HS6ST3: variants seen among roughly 807,000 people sequenced by gnomAD.
HS6ST3 encodes heparan sulfate 6-O-sulfotransferase 3.
In HS6ST3, 12 loss-of-function variants were observed where a neutral mutation model predicts 36.7. The ratio of observed to expected loss-of-function variants is 0.33; its 90% CI spans 0.21 to 0.53. The LOEUF is 0.53. Ranked by LOEUF, HS6ST3 falls within the 20% of genes least tolerant of loss-of-function variation. The pLI is 0.95. For synonymous variants in HS6ST3, 240 were observed against 257.5 expected, an observed-to-expected ratio of 0.93 and a Z score of 0.65; for missense variants, 584 against 640.9, an observed-to-expected ratio of 0.91 and a Z score of 0.96.
rs569991536 is a variant in HS6ST3, at chr13:96,489,271, C to G, written c.708-343219C>G. On this transcript the variant is annotated intron_variant, in intron 1 of 1. Coordinates refer to ENST00000376705, the MANE Select transcript of HS6ST3 (RefSeq NM_153456.4). ...AAAATGATTACTTATAGAACAAACT[C>G]CAGTCAGTAAATGGCTCTTCATGTT... Among the ~76,000 whole-genome samples the G allele has an allele frequency of 7.2e-5, 11 of 151,970 alleles. No individual in the cohort carries two copies. In the South Asian group the frequency reaches 2.1e-3, roughly 29 times the overall value.
At chr13:96,186,989 T>C (rs1194826928) in intron 1 of HS6ST3, among the ~76,000 whole-genome samples, 1 of 152,244 alleles carries the variant, frequency 6.6e-6, no homozygotes, top group Admixed American at 6.5e-5. Flanking sequence ...TCTTGGTTTA[T>C]GGCTCAGGAC....
At chr13:96,538,759 G>T (rs944573177) in intron 1 of HS6ST3, among the ~76,000 whole-genome samples, 3 of 152,130 alleles carry the variant, frequency 2.0e-5, no homozygotes, top group Non-Finnish European at 4.4e-5. Context: ...CATGAAAATC[G>T]ATTTCAGAAG....
chr13:96,592,172 G>A (rs538645583), intron 1 of HS6ST3, among the ~76,000 whole-genome samples: 1 of 151,960 alleles, frequency 6.6e-6, no homozygotes, highest in South Asian at 2.1e-4. Context: ...TCTTTAATAT[G>A]TCTTTGACTT....
At chr13:96,750,324 A>G (rs1876669058) in intron 1 of HS6ST3, among the ~76,000 whole-genome samples, 1 of 152,200 alleles carries the variant, frequency 6.6e-6, no homozygotes, top group Non-Finnish European at 1.5e-5. Flanking sequence ...GAAACGTGAT[A>G]TTACATGTGG....
At chr13:96,461,248 G>A (rs940958247) in intron 1 of HS6ST3, among the ~76,000 whole-genome samples, 2 of 152,202 alleles carry the variant, frequency 1.3e-5, no homozygotes, top group Admixed American at 6.5e-5. Context: ...GGAATGAGAA[G>A]ATGTATAAAC....
intron 1 of HS6ST3, among the ~76,000 whole-genome samples, chr13:96,220,906 T>C (rs2054451792): frequency 1.3e-5 from 2 of 152,214 alleles, no homozygotes; most frequent in Admixed American, 6.5e-5. Flanking sequence ...ATTAAGAAAT[T>C]ACTCAATTAC....
intron 1 of HS6ST3, among the ~76,000 whole-genome samples, chr13:96,599,384 A>C (rs571473962): frequency 1.3e-5 from 2 of 152,154 alleles, no homozygotes; most frequent in East Asian, 1.9e-4. Context: ...GCATGTTCCC[A>C]GGAATTTATC....
At chr13:96,194,940 TTAATTA>T (rs2139347908) in intron 1 of HS6ST3, among the ~76,000 whole-genome samples, 1 of 152,350 alleles carries the variant, frequency 6.6e-6, no homozygotes, top group African/African-American at 2.4e-5. Context: ...TTTCCAAACT[TTAATTA>T]ACATTTTGTT....
At chr13:96,509,701 A>G (rs2056041114) in intron 1 of HS6ST3, among the ~76,000 whole-genome samples, 1 of 152,196 alleles carries the variant, frequency 6.6e-6, no homozygotes, top group Non-Finnish European at 1.5e-5. Context: ...TCATTGGTGT[A>G]TGCGACTACT....
intron 1 of HS6ST3, among the ~76,000 whole-genome samples, chr13:96,601,235 C>T (rs1049637392): frequency 6.6e-6 from 1 of 152,072 alleles, no homozygotes; most frequent in African/African-American, 2.4e-5. Flanking sequence ...AGAAAGTTTT[C>T]CTCAATTATT....
intron 1 of HS6ST3, among the ~76,000 whole-genome samples, chr13:96,243,816 T>C (rs1297947758): frequency 1.3e-5 from 2 of 152,174 alleles, no homozygotes; most frequent in East Asian, 3.8e-4. Flanking sequence ...TTGACTTATC[T>C]GACTTACTTA....
chr13:96,680,785 G>C (rs987890993), intron 1 of HS6ST3, among the ~76,000 whole-genome samples: 1 of 152,154 alleles, frequency 6.6e-6, no homozygotes, highest in South Asian at 2.1e-4. Flanking sequence ...TAAATTTCCA[G>C]GAAATTATAT....
chr13:96,715,181 A>G (rs1369947423), intron 1 of HS6ST3, among the ~76,000 whole-genome samples: 1 of 152,132 alleles, frequency 6.6e-6, no homozygotes, highest in African/African-American at 2.4e-5. Context: ...ATCTTAAACA[A>G]ATAATATTGA....
At chr13:96,695,976 A>G (rs770952502) in intron 1 of HS6ST3, among the ~76,000 whole-genome samples, 17 of 152,212 alleles carry the variant, frequency 1.1e-4, no homozygotes, top group Non-Finnish European at 2.2e-4. Flanking sequence ...ATTTAATAGT[A>G]TAAATCCATA....
At chr13:96,308,273 C>T (rs759619318) in intron 1 of HS6ST3, among the ~76,000 whole-genome samples, 1 of 152,018 alleles carries the variant, frequency 6.6e-6, no homozygotes, top group South Asian at 2.1e-4. Context: ...CAATGATCTT[C>T]GAGGTTGGTA....
At chr13:96,108,530 T>C (rs1331401803) in intron 1 of HS6ST3, among the ~76,000 whole-genome samples, 1 of 152,158 alleles carries the variant, frequency 6.6e-6, no homozygotes. Flanking sequence ...TGAAAATCAC[T>C]AATAAAAACT....
chr13:96,281,894 G>A (rs1311605652), intron 1 of HS6ST3, among the ~76,000 whole-genome samples: 1 of 152,158 alleles, frequency 6.6e-6, no homozygotes, highest in African/African-American at 2.4e-5. Flanking sequence ...TACAGGAAAA[G>A]CTCAAGAGAT....
intron 1 of HS6ST3, among the ~76,000 whole-genome samples, chr13:96,665,268 G>A (rs2056659766): frequency 6.6e-6 from 1 of 152,192 alleles, no homozygotes; most frequent in Non-Finnish European, 1.5e-5. Flanking sequence ...ATTCATTGAT[G>A]TATAAGATAC....
At chr13:96,493,381 A>G (rs1224824252) in intron 1 of HS6ST3, among the ~76,000 whole-genome samples, 1 of 152,196 alleles carries the variant, frequency 6.6e-6, no homozygotes, top group African/African-American at 2.4e-5. Context: ...AATTGCCAAT[A>G]GAGCGTTTTG....
Sources: allele counts gnomAD v4.1 joint callset (sites outside exome capture counted in the v4.1 genomes callset), GRCh38; gene constraint gnomAD v4.1.1; transcripts MANE v1.5; gene names NCBI Gene and HGNC (gene_info 2026-07-23, HGNC 2026-07-21).